The following PPEF1 variants were observed in gnomAD, a reference collection of about 807,000 sequenced individuals.
The protein encoded by PPEF1 is protein phosphatase with EF-hand domain 1.
PPEF1 carries 12 observed loss-of-function variants against 53.3 expected under a neutral mutation model. The ratio of observed to expected loss-of-function variants is 0.23; its 90% CI spans 0.14 to 0.36. The LOEUF (loss-of-function observed/expected upper bound fraction) is 0.36, where lower values mean the gene tolerates loss of function less well. Ranked by LOEUF, PPEF1 falls within the 10% of genes least tolerant of loss-of-function variation. The pLI, the probability that PPEF1 is intolerant of heterozygous loss-of-function variation, is 1.00. For missense variants in PPEF1, 334 were observed against 490.4 expected (o/e 0.68, Z 3.01); for synonymous variants, 165 against 176.7 (o/e 0.93, Z 0.52).
In PPEF1 at chrX:18,822,301, G is replaced by GCTGC. The variant is rs764921915; in HGVS notation, c.1502-1620_1502-1617dup. On this transcript the variant is annotated intron_variant, in intron 13 of 15. Coordinates refer to ENST00000470157, the MANE Select transcript of PPEF1 (RefSeq NM_001377996.1). ...ACTAACAGAGACTAACGTTATACGA[G>GCTGC]CTGCCAAAGAGGAAATGATTACAGG... 3.4e-3 allele frequency among the ~76,000 whole-genome samples: 373 copies of GCTGC among 108,740 alleles called. 2 individuals are homozygous for GCTGC. Among genetic ancestry groups the GCTGC allele is most frequent in the Middle Eastern group, 0.014 (3 of 215 alleles). 94.4% of individuals were successfully genotyped at this position (108,740 alleles called of 115,157 possible). A position where few individuals can be genotyped will look rare whatever the true frequency, so the allele number is the denominator to read the frequency against.
chrX:18,745,133 TTATATTATA>T (rs1317695013), intron 3 of PPEF1, among the ~76,000 whole-genome samples: 1 of 94,536 alleles, frequency 1.1e-5, no homozygotes, highest in African/African-American at 4.0e-5. Context: ...TATTATATAA[TTATATTATA>T]TATATTATAT....
At chrX:18,728,746 C>T (rs191172306) in intron 1 of PPEF1, among the ~76,000 whole-genome samples, 186 of 111,459 alleles carry the variant, frequency 1.7e-3, no homozygotes, top group Non-Finnish European at 2.8e-3. Flanking sequence ...ATTAACCTTG[C>T]GAGACGACCA....
At chrX:18,743,759 C>T (rs952921037) in intron 3 of PPEF1, among the ~76,000 whole-genome samples, 2 of 109,277 alleles carry the variant, frequency 1.8e-5, no homozygotes, top group Non-Finnish European at 3.8e-5. Context: ...AAGTTGCTCA[C>T]CTTTTTGTAT....
intron 1 of PPEF1, 76 bp from the exon 2 acceptor site, chrX:18,730,105 C>T: frequency 9.7e-7 from 1 of 1,029,582 alleles, no homozygotes; most frequent in Non-Finnish European, 1.3e-6. Context: ...TTTTTTTTTC[C>T]ACTGAAGCAC....
At chrX:18,692,671 G>T (rs1242758167) in intron 4 of PPEF1, among the ~76,000 whole-genome samples, 4 of 111,343 alleles carry the variant, frequency 3.6e-5, no homozygotes. Context: ...TGGTCTTCCT[G>T]TTACCTGCTT....
At chrX:18,809,806 T>C (rs1169337348) in intron 12 of PPEF1, among the ~76,000 whole-genome samples, 2 of 111,153 alleles carry the variant, frequency 1.8e-5, no homozygotes, top group African/African-American at 3.3e-5. Context: ...AATCCTGACA[T>C]TATGACAACA....
chrX:18,763,370 C>T (rs989804822), intron 6 of PPEF1, among the ~76,000 whole-genome samples: 1 of 111,314 alleles, frequency 9.0e-6, no homozygotes, highest in African/African-American at 3.3e-5. Flanking sequence ...TCTTGCCATG[C>T]TTTAACGCCC....
At chrX:18,812,041 T>G (rs183540474) in intron 12 of PPEF1, among the ~76,000 whole-genome samples, 8 of 111,965 alleles carry the variant, frequency 7.1e-5, no homozygotes, top group East Asian at 2.8e-4. Context: ...TTTGGTGGTG[T>G]TGTATCTAAG....
rs759430527 is a variant in PPEF1 at position 18,749,831 on chromosome X, G to A, written c.275G>A (p.Arg92Lys). ...NQSLESEQDM[R>K]DRWDYVDSID... ...TCTCTTGAAAGCGAACAGGACATGA[G>A]GGATAGATGGGATTATGTGGACTCG... The change falls in exon 4 of 16, where the codon AGG (arginine) becomes AAG (lysine). Residue 92 changes from arginine to lysine, a missense_variant. Coordinates refer to ENST00000470157, the MANE Select transcript of PPEF1 (RefSeq NM_001377996.1). The A allele has an allele frequency of 8.5e-7, 1 of 1,180,374 alleles. No homozygotes were observed. Among genetic ancestry groups the A allele is most frequent in the Admixed American group, 2.3e-5 (1 of 42,686 alleles).
chrX:18,773,359 G>A (rs1308001953), intron 6 of PPEF1, among the ~76,000 whole-genome samples: 1 of 111,330 alleles, frequency 9.0e-6, no homozygotes, highest in East Asian at 2.8e-4. Context: ...ACTTTGCCCG[G>A]TATTAATATT....
At chrX:18,681,477 A>T (rs1274332193), upstream of PPEF1, among the ~76,000 whole-genome samples, 1 of 111,449 alleles carries the variant, frequency 9.0e-6, no homozygotes, top group Non-Finnish European at 1.9e-5. Context: ...AGGGTGACTC[A>T]AGCCAGGGCA....
At chrX:18,714,060 G>A (rs113576799) in intron 1 of PPEF1, among the ~76,000 whole-genome samples, 15 of 110,709 alleles carry the variant, frequency 1.4e-4, no homozygotes, top group South Asian at 3.8e-4. Flanking sequence ...TGAAATTATC[G>A]TGTCAAGGGC....
chrX:18,779,495 G>A (rs189452220), intron 7 of PPEF1, among the ~76,000 whole-genome samples: 428 of 111,944 alleles, frequency 3.8e-3, no homozygotes, highest in African/African-American at 0.013. Context: ...GTTTGGAGGT[G>A]TGGCAGGTTC....
At chrX:18,780,249 G>A (rs761912847) in intron 7 of PPEF1, among the ~76,000 whole-genome samples, 1 of 112,118 alleles carries the variant, frequency 8.9e-6, no homozygotes, top group East Asian at 2.8e-4. Context: ...TCTGAGGGAT[G>A]ATGGAAGGTT....
chrX:18,804,186 A>G, intron 11 of PPEF1, 109 bp downstream of exon 11: 1 of 691,342 alleles, frequency 1.4e-6, no homozygotes, highest in Non-Finnish European at 2.1e-6. Context: ...TGTCTTCTCT[A>G]GTACCAAACA....
chrX:18,724,832 AC>A (rs1168825638), intron 1 of PPEF1, among the ~76,000 whole-genome samples: 1 of 110,405 alleles, frequency 9.1e-6, no homozygotes, highest in African/African-American at 3.3e-5. Context: ...CCTGCATTCT[AC>A]CCTTTGCTAT....
chrX:18,705,768 T>C (rs2044181435), upstream of PPEF1, among the ~76,000 whole-genome samples: 1 of 111,681 alleles, frequency 9.0e-6, no homozygotes, highest in African/African-American at 3.3e-5. Flanking sequence ...GCTAATTCAT[T>C]CAATACATAA....
At chrX:18,680,399 T>C (rs1299397947), upstream of PPEF1, among the ~76,000 whole-genome samples, 1 of 107,574 alleles carries the variant, frequency 9.3e-6, no homozygotes, top group Non-Finnish European at 1.9e-5. Context: ...CTTTCCTGCT[T>C]ATTTTTCTCT....
At chrX:18,780,520 A>G (rs766793976) in intron 7 of PPEF1, among the ~76,000 whole-genome samples, 17 of 112,364 alleles carry the variant, frequency 1.5e-4, no homozygotes, top group African/African-American at 5.5e-4. Flanking sequence ...CAAGAACAAC[A>G]CAATGTCACC....
Sources: gnomAD v4.1 joint callset for allele counts (sites outside exome capture counted in the v4.1 genomes callset) on GRCh38, gnomAD v4.1.1 for gene constraint, MANE v1.5 for transcripts, NCBI Gene and HGNC (gene_info 2026-07-23, HGNC 2026-07-21) for gene names.